The following SEM1 variants were observed in gnomAD, a reference collection of about 807,000 sequenced individuals.
SEM1 encodes the protein SEM1 26S proteasome subunit.
In SEM1, 3 loss-of-function variants were observed where a neutral mutation model predicts 12.7. That is an observed-to-expected ratio of 0.24 (90% CI 0.11 to 0.61). The LOEUF (loss-of-function observed/expected upper bound fraction) is 0.61, where lower values mean the gene tolerates loss of function less well. Ranked by LOEUF, SEM1 falls within the 20% of genes least tolerant of loss-of-function variation. SEM1 has a pLI of 0.88. For synonymous variants in SEM1, 30 were observed against 27.8 expected (o/e 1.08, Z -0.25); for missense variants, 59 against 81.3 (o/e 0.73, Z 1.06).
At chr7:96,602,384 G>C (rs1807222255) in intron 2 of SEM1, among the ~76,000 whole-genome samples, 1 of 152,182 alleles carries the variant, frequency 6.6e-6, no homozygotes, top group African/African-American at 2.4e-5. Flanking sequence ...AGCTGGGGCT[G>C]AATAATTGAT....
intron 2 of SEM1, among the ~76,000 whole-genome samples, chr7:96,511,362 G>A (rs1276768741): frequency 6.6e-6 from 1 of 152,006 alleles, no homozygotes; most frequent in Non-Finnish European, 1.5e-5. Flanking sequence ...GTTTAAGAGA[G>A]GTATACAATT....
rs1313677435 is a variant in SEM1 at position 96,585,099 on chromosome 7, T to C, written c.171-78401A>G. Among the ~76,000 whole-genome samples, 3 of 152,212 alleles carry C rather than the reference T, an allele frequency of 2.0e-5. No homozygotes were observed. In the East Asian group the frequency reaches 5.8e-4, roughly 29 times the overall value. ...CTGTTTTTTCCCCATCTTTGTGGTT[T>C]TATCTACTTTTGGTCTTTGATGATG... On this transcript the variant is annotated intron_variant and NMD_transcript_variant, in intron 2 of 3. Transcript: ENST00000466986.
At chr7:96,597,255 A>G (rs976873387) in intron 2 of SEM1, among the ~76,000 whole-genome samples, 76 of 152,288 alleles carry the variant, frequency 5.0e-4, no homozygotes, top group African/African-American at 1.7e-3. Flanking sequence ...GAAATAATGC[A>G]TCTAAAACAC....
upstream of SEM1, among the ~76,000 whole-genome samples, chr7:96,499,744 T>G (rs571842522): frequency 5.3e-5 from 8 of 152,268 alleles, no homozygotes; most frequent in South Asian, 1.7e-3. Context: ...AAACAAACAT[T>G]TGATCGGATT....
intron 2 of SEM1, among the ~76,000 whole-genome samples, chr7:96,585,235 G>A (rs1264403102): frequency 6.6e-6 from 1 of 152,198 alleles, no homozygotes; most frequent in Non-Finnish European, 1.5e-5. Context: ...GCCGTGTGAG[G>A]TGTCAGTCTG....
intron 2 of SEM1, among the ~76,000 whole-genome samples, chr7:96,584,201 G>T (rs1806527257): frequency 6.6e-6 from 1 of 152,090 alleles, no homozygotes; most frequent in Admixed American, 6.6e-5. Context: ...TGTCTGTAAA[G>T]TATTTTATTT....
At chr7:96,491,564 G>A (rs1263993188) in intron 1 of SEM1, among the ~76,000 whole-genome samples, 2 of 152,172 alleles carry the variant, frequency 1.3e-5, no homozygotes, top group Non-Finnish European at 2.9e-5. Flanking sequence ...AGATGTTTCT[G>A]GGATTTGGGC....
At chr7:96,637,128 C>T (rs989616554) in intron 2 of SEM1, 6 of 151,924 alleles carry the variant, frequency 3.9e-5, no homozygotes, top group Non-Finnish European at 8.8e-5. Flanking sequence ...AGGAAGTGAT[C>T]TGTTGTGGAG....
intron 2 of SEM1, among the ~76,000 whole-genome samples, chr7:96,584,314 G>A (rs1204122976): frequency 6.6e-6 from 1 of 152,188 alleles, no homozygotes; most frequent in Non-Finnish European, 1.5e-5. Flanking sequence ...CTTCTGGCCT[G>A]TAAAGTTTCT....
At chr7:96,635,883 T>G (rs1197351459) in intron 2 of SEM1, among the ~76,000 whole-genome samples, 1 of 152,102 alleles carries the variant, frequency 6.6e-6, no homozygotes, top group African/African-American at 2.4e-5. Flanking sequence ...ATTTATTAGT[T>G]ATTGGAAAAA....
intron 2 of SEM1, among the ~76,000 whole-genome samples, chr7:96,585,222 C>G (rs980858911): frequency 2.6e-5 from 4 of 152,086 alleles, no homozygotes; most frequent in Non-Finnish European, 5.9e-5. Context: ...GTTGGAATAC[C>G]CTGCCGTGTG....
At chr7:96,698,540 T>C (rs1308242560) in intron 1 of SEM1, among the ~76,000 whole-genome samples, 1 of 152,170 alleles carries the variant, frequency 6.6e-6, no homozygotes, top group African/African-American at 2.4e-5. Context: ...CTTGTGTTAG[T>C]TTGTTGACAA....
At chr7:96,568,267 C>T (rs146655193) in intron 2 of SEM1, among the ~76,000 whole-genome samples, 1 of 151,684 alleles carries the variant, frequency 6.6e-6, no homozygotes, top group Non-Finnish European at 1.5e-5. Context: ...AATCCATATG[C>T]ATGAAGATAA....
intron 2 of SEM1, among the ~76,000 whole-genome samples, chr7:96,609,942 A>C (rs78672587): frequency 0.041 from 6,244 of 152,228 alleles, 350 homozygotes; most frequent in South Asian, 0.14. Context: ...TTTTAATGTA[A>C]CCTCACCTTC....
intron 2 of SEM1, among the ~76,000 whole-genome samples, chr7:96,551,744 C>T (rs1805283800): frequency 7.0e-6 from 1 of 142,888 alleles, no homozygotes; most frequent in Non-Finnish European, 1.5e-5. Context: ...AAAAGAATTA[C>T]ATACACACAG....
At chr7:96,547,277 A>G (rs948854408) in intron 2 of SEM1, among the ~76,000 whole-genome samples, 9 of 152,170 alleles carry the variant, frequency 5.9e-5, no homozygotes, top group African/African-American at 2.2e-4. Flanking sequence ...TCAGCAAAAC[A>G]GATCCTTTAA....
At chr7:96,572,200 C>A (rs183725657) in intron 2 of SEM1, among the ~76,000 whole-genome samples, 6 of 152,216 alleles carry the variant, frequency 3.9e-5, no homozygotes, top group Middle Eastern at 6.8e-3. Context: ...GGCTAACCAT[C>A]TATCTGTTGT....
exon 1 of SEM1, chr7:96,496,319 C>T (rs929942035): frequency 1.3e-6 from 2 of 1,503,202 alleles, no homozygotes; most frequent in East Asian, 2.5e-5. Flanking sequence ...AGCTGCATAG[C>T]ATCATCTGAT....
In SEM1 at chr7:96,507,147, T is replaced by A. The variant is rs181917352; in HGVS notation, c.171-449A>T. 3.0e-3 allele frequency among the ~76,000 whole-genome samples: 456 copies of A among 152,218 alleles called. 1 individual carries two copies. Among genetic ancestry groups the A allele is most frequent in the Non-Finnish European group, 4.6e-3 (313 of 67,974 alleles). ...AAGCAGTTTGACTTATTAACCTATG[T>A]GGTATGTGGCAAAGCAGTAATATTA... On this transcript the variant is annotated intron_variant and NMD_transcript_variant, in intron 2 of 3. Transcript: ENST00000466986.
Sources: allele counts gnomAD v4.1 joint callset (sites outside exome capture counted in the v4.1 genomes callset), GRCh38; gene constraint gnomAD v4.1.1; transcripts MANE v1.5; gene names NCBI Gene and HGNC (gene_info 2026-07-23, HGNC 2026-07-21).